OSBPL8: variants seen among roughly 807,000 people sequenced by gnomAD.
OSBPL8 encodes oxysterol-binding protein-related protein 8.
Under a neutral mutation model 125.5 loss-of-function variants are expected in OSBPL8, and 59 were observed. That is an observed-to-expected ratio of 0.47 (90% CI 0.38 to 0.58). The LOEUF is 0.58. Ranked by LOEUF, OSBPL8 falls within the 20% of genes least tolerant of loss-of-function variation. OSBPL8 has a pLI of 0.00. For missense variants in OSBPL8, 758 were observed against 1,047.8 expected, an observed-to-expected ratio of 0.72 and a Z score of 3.82; for synonymous variants, 330 against 338.9, an observed-to-expected ratio of 0.97 and a Z score of 0.29.
rs139378123 is a variant in OSBPL8, at chr12:76,497,435, T to G, written c.-67-9817A>C. Among the ~76,000 whole-genome samples the G allele has an allele frequency of 2.6e-4, 39 of 152,332 alleles. No individual in the cohort carries two copies. The East Asian group carries it at 6.8e-3, about 26-fold the overall frequency. ...ATCGCGTGTAAATAGCACAATTGTA[T>G]GCATAATAAAGGAATCTTTCCTGGT... is the stretch of plus-strand genomic sequence containing the variant. On this transcript the variant is annotated intron_variant, in intron 1 of 23. Transcript: ENST00000261183.
At chr12:76,503,163 G>A (rs74103488) in intron 1 of OSBPL8, among the ~76,000 whole-genome samples, 69 of 152,248 alleles carry the variant, frequency 4.5e-4, no homozygotes, top group Middle Eastern at 6.8e-3. Context: ...ATTTTCTAGC[G>A]TTGCCATAAT....
chr12:76,471,400 G>A (rs1337895338), intron 2 of OSBPL8, among the ~76,000 whole-genome samples: 2 of 152,028 alleles, frequency 1.3e-5, no homozygotes, highest in South Asian at 2.1e-4. Flanking sequence ...CCTGTAAGTC[G>A]CTCTAAATTT....
chr12:76,472,502 G>A (rs890433424), intron 2 of OSBPL8, among the ~76,000 whole-genome samples: 5 of 152,144 alleles, frequency 3.3e-5, no homozygotes, highest in African/African-American at 7.2e-5. Flanking sequence ...CCACCAAGAC[G>A]CGGAGACTGG....
At chr12:76,496,217 CTGT>C (rs1232559659) in intron 1 of OSBPL8, among the ~76,000 whole-genome samples, 1 of 151,696 alleles carries the variant, frequency 6.6e-6, no homozygotes, top group Non-Finnish European at 1.5e-5. Context: ...AAGTGCTCTG[CTGT>C]TTGGTGTTCT....
intron 14 of OSBPL8, among the ~76,000 whole-genome samples, 197 bp from the exon 15 acceptor site, chr12:76,384,547 C>A (rs1219186034): frequency 6.6e-6 from 1 of 151,964 alleles, no homozygotes; most frequent in Non-Finnish European, 1.5e-5. Flanking sequence ...TGAGACCCAC[C>A]CTCCTGGTAG....
intron 1 of OSBPL8, among the ~76,000 whole-genome samples, chr12:76,521,186 C>T (rs1882034358): frequency 6.6e-6 from 1 of 152,162 alleles, no homozygotes; most frequent in African/African-American, 2.4e-5. Context: ...AAAACACATA[C>T]CTTGGGTTTC....
At chr12:76,487,438 C>A (rs1371609847) in intron 2 of OSBPL8, 72 bp downstream of exon 2, 6 of 1,321,268 alleles carry the variant, frequency 4.5e-6, no homozygotes, top group Non-Finnish European at 6.2e-6. Context: ...ATTTTAAAAA[C>A]AAAACCCTAG....
At chr12:76,537,059 A>G (rs1950519494) in intron 1 of OSBPL8, 1 of 152,388 alleles carries the variant, frequency 6.6e-6, no homozygotes. Context: ...AAAGAAAAAA[A>G]AATTATAATT....
chr12:76,414,450 GTTTTTTTTTTT>G (rs35085467), intron 4 of OSBPL8, among the ~76,000 whole-genome samples: 2 of 120,492 alleles, frequency 1.7e-5, no homozygotes, highest in South Asian at 5.2e-4. Flanking sequence ...TATTTTTCTG[GTTTTTTTTTTT>G]TTTTTTTTTG....
chr12:76,414,647 C>T (rs984952266), intron 4 of OSBPL8, among the ~76,000 whole-genome samples: 1 of 151,488 alleles, frequency 6.6e-6, no homozygotes, highest in African/African-American at 2.4e-5. Context: ...GAGATGAGGT[C>T]TCATCATGTT....
chr12:76,382,409 T>C (rs1286184673), intron 15 of OSBPL8, among the ~76,000 whole-genome samples: 3 of 152,122 alleles, frequency 2.0e-5, no homozygotes, highest in African/African-American at 4.8e-5. Context: ...TACTGACATT[T>C]AGGGGACTGG....
At chr12:76,554,061 T>C (rs957272437) in intron 1 of OSBPL8, among the ~76,000 whole-genome samples, 1 of 151,966 alleles carries the variant, frequency 6.6e-6, no homozygotes, top group Non-Finnish European at 1.5e-5. Context: ...TTTTTAATTA[T>C]AACAACTTAG....
chr12:76,527,579 G>C (rs1005255503), intron 1 of OSBPL8, among the ~76,000 whole-genome samples: 1 of 152,146 alleles, frequency 6.6e-6, no homozygotes, highest in Non-Finnish European at 1.5e-5. Context: ...TCTACGGGTA[G>C]TTCTTTAAAG....
intron 1 of OSBPL8, among the ~76,000 whole-genome samples, chr12:76,524,498 C>T (rs1950110695): frequency 6.6e-6 from 1 of 152,020 alleles, no homozygotes; most frequent in Admixed American, 6.6e-5. Context: ...CTGATCTTCA[C>T]ACAAATCCTG....
intron 1 of OSBPL8, among the ~76,000 whole-genome samples, chr12:76,556,181 T>C (rs1951091646): frequency 6.6e-6 from 1 of 152,182 alleles, no homozygotes; most frequent in African/African-American, 2.4e-5. Flanking sequence ...TTTCATTCAT[T>C]AACTATTGAA....
At chr12:76,376,036 G>A (rs1180869679) in intron 16 of OSBPL8, among the ~76,000 whole-genome samples, 1 of 152,146 alleles carries the variant, frequency 6.6e-6, no homozygotes, top group African/African-American at 2.4e-5. Context: ...TATAAAACAA[G>A]GTTATGTACT....
chr12:76,401,576 T>C (rs1954054781), intron 6 of OSBPL8, among the ~76,000 whole-genome samples: 1 of 152,152 alleles, frequency 6.6e-6, no homozygotes, highest in Admixed American at 6.5e-5. Flanking sequence ...TTTAGTAAAT[T>C]GTAGGGTCAG....
intron 2 of OSBPL8, among the ~76,000 whole-genome samples, chr12:76,462,740 TAAGAAGGCTTCAATACAGAGTTG>T (rs1240485129): frequency 1.3e-5 from 2 of 152,142 alleles, no homozygotes; most frequent in African/African-American, 4.8e-5. Context: ...TAGGTTGGCC[TAAGAAGGCTTCAATACAGAGTTG>T]ACTGAATAAG....
chr12:76,500,704 A>G (rs759509932), intron 1 of OSBPL8, among the ~76,000 whole-genome samples: 12 of 152,200 alleles, frequency 7.9e-5, no homozygotes, highest in African/African-American at 2.9e-4. Flanking sequence ...TGAAGAATTT[A>G]AAGATTTTCC....
Sources: allele counts gnomAD v4.1 joint callset (sites outside exome capture counted in the v4.1 genomes callset), GRCh38; gene constraint gnomAD v4.1.1; transcripts MANE v1.5; gene names NCBI Gene and HGNC (gene_info 2026-07-23, HGNC 2026-07-21).